Variants in TRAPPC9 observed in about 807,000 individuals in gnomAD.
TRAPPC9 encodes the protein trafficking protein particle complex subunit 9, also known as IKK2 binding protein.
Under a neutral mutation model 124.0 loss-of-function variants are expected in TRAPPC9, and 83 were observed. That is an observed-to-expected ratio of 0.67 (90% confidence interval 0.56 to 0.80). TRAPPC9 has a LOEUF of 0.80. Among genes scored for constraint, TRAPPC9 ranks in the 30% least tolerant of loss-of-function variants. The probability of loss-of-function intolerance (pLI) is 0.00; values close to 1 mark genes in which losing one functional copy is unlikely to be tolerated. For missense variants in TRAPPC9, 1,302 were observed against 1,508.3 expected, an observed-to-expected ratio of 0.86 and a Z score of 2.27; for synonymous variants, 638 against 617.5, an observed-to-expected ratio of 1.03 and a Z score of -0.49.
At chr8:140,380,988 T>G (rs2068589691) in intron 7 of TRAPPC9, among the ~76,000 whole-genome samples, 1 of 151,966 alleles carries the variant, frequency 6.6e-6, no homozygotes, top group Admixed American at 6.6e-5. Flanking sequence ...GTGGATCACT[T>G]GAGGCGAGGA....
Position 140,225,082 on chromosome 8 carries a change from G to T in TRAPPC9, c.2432-3499C>A, listed in dbSNP as rs145334165. ...GAATAAACGAATTATTGCATAGGAAGGATTTATCACAACGCCTGGTACGGG... is the reference window on the plus strand; with the variant it reads ...GAATAAACGAATTATTGCATAGGAATGATTTATCACAACGCCTGGTACGGG... On this transcript the variant is annotated intron_variant, in intron 16 of 22. Coordinates refer to ENST00000438773, the MANE Select transcript of TRAPPC9 (RefSeq NM_001160372.4). Among the ~76,000 whole-genome samples, 294 of 152,338 alleles carry T rather than the reference G, an allele frequency of 1.9e-3. 1 individual carries two copies. The highest frequency in any genetic ancestry group is 6.7e-3 in the African/African-American group (278 of 41,576).
chr8:139,993,338 G>A (rs1837761963), intron 18 of TRAPPC9, among the ~76,000 whole-genome samples: 1 of 152,190 alleles, frequency 6.6e-6, no homozygotes, highest in Admixed American at 6.5e-5. Context: ...AGTAGTTAGA[G>A]AAATGGAAAT....
intron 17 of TRAPPC9, among the ~76,000 whole-genome samples, chr8:140,070,168 G>A (rs1253679128): frequency 2.0e-5 from 3 of 152,214 alleles, no homozygotes; most frequent in East Asian, 3.8e-4. Context: ...TCACCAGCAC[G>A]AGGGGCACTG....
intron 21 of TRAPPC9, among the ~76,000 whole-genome samples, chr8:139,845,321 C>T (rs1476810795): frequency 6.6e-6 from 1 of 152,188 alleles, no homozygotes; most frequent in Admixed American, 6.5e-5. Context: ...CACAAACTCT[C>T]GCCTGTGCTC....
intron 21 of TRAPPC9, among the ~76,000 whole-genome samples, chr8:139,760,200 G>A (rs1820126733): frequency 6.6e-6 from 1 of 152,180 alleles, no homozygotes; most frequent in Non-Finnish European, 1.5e-5. Context: ...AGTAGGGGAA[G>A]GAGGGTGGAC....
chr8:139,956,608 G>C (rs973739532), intron 19 of TRAPPC9, among the ~76,000 whole-genome samples: 3 of 152,286 alleles, frequency 2.0e-5, no homozygotes, highest in African/African-American at 7.2e-5. Flanking sequence ...TTTCCAATCA[G>C]GACAGGCCCT....
Position 140,074,874 on chromosome 8 carries a change from C to A in TRAPPC9, c.2557-50795G>T, listed in dbSNP as rs138631753. The stretch of plus-strand genomic sequence containing the variant: ...GGGACCACAGCAAGTAGCTGGGCCT[C>A]TGGTGCTGTTGATCGCCAGTGGTAT... On this transcript the variant is annotated intron_variant, in intron 17 of 22. Transcript: ENST00000438773. 1.1e-3 allele frequency among the ~76,000 whole-genome samples: 166 copies of A among 152,304 alleles called. 2 individuals are homozygous for A. The East Asian group carries it at 0.027, about 24-fold the overall frequency.
chr8:139,923,987 G>A (rs1832660751), intron 19 of TRAPPC9, among the ~76,000 whole-genome samples: 1 of 152,172 alleles, frequency 6.6e-6, no homozygotes, highest in East Asian at 1.9e-4. Context: ...ATACTCAAAT[G>A]TGCCTTGCAA....
intron 2 of TRAPPC9, among the ~76,000 whole-genome samples, chr8:140,446,275 A>G (rs13274890): frequency 0.55 from 77,761 of 141,788 alleles, 21,874 homozygotes; most frequent in Non-Finnish European, 0.57. Flanking sequence ...GCCTGGGCGA[A>G]AGAGTAAGAC....
rs74757263 is a variant in TRAPPC9 at position 139,942,700 on chromosome 8, G to A, written c.2811-32400C>T. 6.4e-4 allele frequency among the ~76,000 whole-genome samples: 98 copies of A among 152,230 alleles called. 1 individual carries two copies. The East Asian group carries it at 0.017, about 27-fold the overall frequency. On this transcript the variant is annotated intron_variant, in intron 19 of 22. Coordinates refer to ENST00000438773, the MANE Select transcript of TRAPPC9 (RefSeq NM_001160372.4). ...CAGGAAAAGAAAAACAGACATAGTCGAGAGAACAGAGAACAGACACCCGGA... is the reference window on the plus strand; with the variant it reads ...CAGGAAAAGAAAAACAGACATAGTCAAGAGAACAGAGAACAGACACCCGGA...
chr8:140,006,715 G>T (rs1838778224), intron 18 of TRAPPC9, among the ~76,000 whole-genome samples: 1 of 152,180 alleles, frequency 6.6e-6, no homozygotes, highest in African/African-American at 2.4e-5. Context: ...AACACACCAA[G>T]TGAAAGAGGT....
intron 19 of TRAPPC9, among the ~76,000 whole-genome samples, chr8:139,919,163 A>G (rs936609776): frequency 6.6e-6 from 1 of 152,184 alleles, no homozygotes; most frequent in Admixed American, 6.5e-5. Context: ...TGCTGTGCCG[A>G]GGAAGGGCAT....
chr8:140,363,601 C>CA (rs1383442543), intron 8 of TRAPPC9, among the ~76,000 whole-genome samples: 1 of 145,636 alleles, frequency 6.9e-6, no homozygotes, highest in Non-Finnish European at 1.5e-5. Context: ...ACACAAACGT[C>CA]TTTTTTTTTT....
chr8:140,360,093 CA>C lies in TRAPPC9; in HGVS notation c.1451del (p.Leu484ArgfsTer24), dbSNP rs1464029794. Reference protein sequence around the residue: ...MGNPALSVRHLSFLLQTMLDF... With the variant: ...MGNPALSVRHXSFLLQTMLDF... ...CCAGCATGGTCTGTAGAAGGAAGGA[CA>C]GGTGTCTGACAGAGAGGGCAGGGTT... On this transcript the variant is annotated frameshift_variant, in exon 9 of 23. Transcript: ENST00000438773. LOFTEE classifies it high-confidence loss of function. 1.9e-6 allele frequency: 3 copies of C among 1,614,196 alleles called. No individual in the cohort carries two copies. Among genetic ancestry groups the C allele is most frequent in the Non-Finnish European group, 2.5e-6 (3 of 1,180,048 alleles).
intron 17 of TRAPPC9, among the ~76,000 whole-genome samples, chr8:140,060,581 TCCCTACCCAA>T (rs1563730026): frequency 8.3e-6 from 1 of 120,756 alleles, no homozygotes; most frequent in African/African-American, 3.1e-5. Flanking sequence ...GCCCTACCCA[TCCCTACCCAA>T]CCCTACCCAT....
At chr8:139,955,664 C>A (rs541988249) in intron 19 of TRAPPC9, among the ~76,000 whole-genome samples, 12 of 152,176 alleles carry the variant, frequency 7.9e-5, no homozygotes, top group Non-Finnish European at 1.5e-4. Context: ...AAAACAACAA[C>A]AACAGCAAAA....
At chr8:139,773,068 C>A (rs1190127308) in intron 21 of TRAPPC9, among the ~76,000 whole-genome samples, 1 of 152,232 alleles carries the variant, frequency 6.6e-6, no homozygotes, top group East Asian at 1.9e-4. Flanking sequence ...ACAGTTTGTG[C>A]CCTGGGCCAC....
Position 140,315,034 on chromosome 8 carries a change from G to A in TRAPPC9, c.1496-3660C>T, listed in dbSNP as rs113551735. ...CTCCATACTGTTTAACATAATGGCC[G>A]TACTAATTTACATTCCCACCAATAG... On this transcript the variant is annotated intron_variant, in intron 9 of 22. Transcript: ENST00000438773. Among the ~76,000 whole-genome samples the A allele has an allele frequency of 1.2e-3, 177 of 152,216 alleles. 1 individual carries two copies. Among genetic ancestry groups the A allele is most frequent in the African/African-American group, 4.1e-3 (171 of 41,534 alleles).
chr8:140,123,499 G>A lies in TRAPPC9; in HGVS notation c.2556+97960C>T, dbSNP rs551082413. Among the ~76,000 whole-genome samples, 268 of 152,118 alleles carry A rather than the reference G, an allele frequency of 1.8e-3. 1 individual carries two copies. The highest frequency in any genetic ancestry group is 6.1e-3 in the African/African-American group (255 of 41,486). ...TCTCCCTGCCCTGCCCTCACAGCCC[G>A]GCCACACCCACTCTGCCATGGGCAT... On this transcript the variant is annotated intron_variant, in intron 17 of 22. Transcript: ENST00000438773.
Sources: gnomAD v4.1 joint callset for allele counts (sites outside exome capture counted in the v4.1 genomes callset) on GRCh38, gnomAD v4.1.1 for gene constraint, MANE v1.5 for transcripts, NCBI Gene and HGNC (gene_info 2026-07-23, HGNC 2026-07-21) for gene names.